The following ROR1 variants were observed in gnomAD, a reference collection of about 807,000 sequenced individuals.
The protein encoded by ROR1 is inactive tyrosine-protein kinase transmembrane receptor ROR1.
A neutral mutation model predicts 78.8 loss-of-function variants in ROR1; 19 were observed. That is an observed-to-expected ratio of 0.24 (90% confidence interval 0.17 to 0.35). The LOEUF is 0.35. ROR1 is among the 10% of genes least tolerant of loss of function. ROR1 has a pLI of 1.00. For synonymous variants in ROR1, 386 were observed against 433.6 expected, an observed-to-expected ratio of 0.89 and a Z score of 1.36; for missense variants, 917 against 1,177.8, an observed-to-expected ratio of 0.78 and a Z score of 3.24.
At chr1:64,047,622 A>G (rs1052219581) in intron 2 of ROR1, among the ~76,000 whole-genome samples, 20 of 152,212 alleles carry the variant, frequency 1.3e-4, no homozygotes, top group African/African-American at 4.3e-4. Flanking sequence ...TCTATTCTCA[A>G]TGAATGATAT....
chr1:64,023,387 C>G (rs953866886), intron 2 of ROR1, among the ~76,000 whole-genome samples: 2 of 152,140 alleles, frequency 1.3e-5, no homozygotes, highest in African/African-American at 4.8e-5. Flanking sequence ...AGCTTGGGTC[C>G]TCTTTCCCAG....
intron 1 of ROR1, chr1:63,775,323 G>C (rs141565520): frequency 2.0e-5 from 3 of 152,370 alleles, no homozygotes; most frequent in Non-Finnish European, 4.4e-5. Context: ...TTCGCTGCGG[G>C]AAGCTGGGGT....
intron 1 of ROR1, among the ~76,000 whole-genome samples, chr1:63,910,385 C>T (rs6588077): frequency 0.033 from 5,019 of 152,158 alleles, 282 homozygotes; most frequent in African/African-American, 0.11. Flanking sequence ...AGAAAGGGCT[C>T]ATTGGCTGGT....
chr1:64,107,672 A>G (rs375075515), intron 4 of ROR1, among the ~76,000 whole-genome samples: 1,584 of 9,266 alleles, frequency 0.17, 24 homozygotes, highest in Middle Eastern at 0.31. Context: ...TAAAGATTGT[A>G]TTGGTTTTTT....
At chr1:64,013,438 T>G (rs775444351) in intron 2 of ROR1, among the ~76,000 whole-genome samples, 2 of 152,182 alleles carry the variant, frequency 1.3e-5, no homozygotes, top group Non-Finnish European at 2.9e-5. Context: ...TCAATTTATT[T>G]CAATAATCTG....
intron 1 of ROR1, among the ~76,000 whole-genome samples, chr1:63,868,223 A>G (rs932101796): frequency 6.6e-6 from 1 of 152,018 alleles, no homozygotes; most frequent in Non-Finnish European, 1.5e-5. Flanking sequence ...CTGTCATTTT[A>G]TCACTCATTA....
At chr1:64,138,457 C>T (rs1233519949) in intron 5 of ROR1, among the ~76,000 whole-genome samples, 2 of 151,656 alleles carry the variant, frequency 1.3e-5, no homozygotes, top group African/African-American at 4.9e-5. Context: ...AAACATAGAA[C>T]AGCAAAAGGC....
chr1:64,134,824 C>T (rs988111835), intron 4 of ROR1, among the ~76,000 whole-genome samples: 3 of 150,322 alleles, frequency 2.0e-5, no homozygotes, highest in African/African-American at 7.4e-5. Context: ...TCTTGGCTCA[C>T]TGCAACCTCC....
intron 1 of ROR1, among the ~76,000 whole-genome samples, chr1:64,004,697 T>G (rs1398654787): frequency 1.3e-5 from 2 of 152,220 alleles, no homozygotes; most frequent in East Asian, 3.9e-4. Flanking sequence ...ACCTGCCAAC[T>G]GCTGAGATGA....
intron 4 of ROR1, among the ~76,000 whole-genome samples, chr1:64,128,291 C>CA (rs72429774): frequency 0.46 from 46,447 of 101,214 alleles, 12,380 homozygotes; most frequent in East Asian, 0.58. Flanking sequence ...CCTGTCTCTA[C>CA]AAAAAAAAAA....
At chr1:64,133,181 G>A (rs558421320) in intron 4 of ROR1, among the ~76,000 whole-genome samples, 1 of 152,160 alleles carries the variant, frequency 6.6e-6, no homozygotes, top group South Asian at 2.1e-4. Context: ...ACGAGGGGGT[G>A]GAGGGCATGC....
intron 4 of ROR1, among the ~76,000 whole-genome samples, chr1:64,064,610 C>A (rs57682914): frequency 0.1 from 15,213 of 152,230 alleles, 875 homozygotes; most frequent in African/African-American, 0.14. Flanking sequence ...AGCCTGCAGA[C>A]AGCCTTGAAG....
chr1:63,889,539 G>A (rs1188905836), intron 1 of ROR1, among the ~76,000 whole-genome samples: 1 of 152,132 alleles, frequency 6.6e-6, no homozygotes, highest in Admixed American at 6.6e-5. Context: ...CGAAGTGCAT[G>A]CAACCCTGGC....
At chr1:63,994,482 A>C (rs1386213774) in intron 1 of ROR1, among the ~76,000 whole-genome samples, 1 of 152,208 alleles carries the variant, frequency 6.6e-6, no homozygotes, top group Non-Finnish European at 1.5e-5. Flanking sequence ...AAAGGCTTAT[A>C]GATTTTTGTG....
At chr1:63,906,842 G>A (rs1216441595) in intron 1 of ROR1, among the ~76,000 whole-genome samples, 4 of 152,096 alleles carry the variant, frequency 2.6e-5, no homozygotes, top group Non-Finnish European at 5.9e-5. Flanking sequence ...TTTGTTACAC[G>A]TGAAACTTTA....
chr1:64,114,253 G>A (rs562052066), intron 4 of ROR1, among the ~76,000 whole-genome samples: 2 of 152,292 alleles, frequency 1.3e-5, no homozygotes, highest in Admixed American at 6.5e-5. Flanking sequence ...CTGACATGCA[G>A]TTAGGTCATT....
At chr1:63,782,665 A>T (rs1222929411) in intron 1 of ROR1, among the ~76,000 whole-genome samples, 1 of 151,872 alleles carries the variant, frequency 6.6e-6, no homozygotes, top group African/African-American at 2.4e-5. Context: ...TTTAGATAGA[A>T]TAAAATAGGA....
chr1:64,179,015 A>T lies in ROR1; in HGVS notation c.*160A>T. ...CTGTGTCTTACCAAGCAGGACAGAC[A>T]CTCGGCCAGAAAAAAAAAAAAAAAA... On this transcript the variant is annotated 3_prime_UTR_variant, in exon 9 of 9. Transcript: ENST00000371079. The T allele has an allele frequency of 2.8e-6, 1 of 356,756 alleles. No homozygotes were observed. Among genetic ancestry groups the T allele is most frequent in the Non-Finnish European group, 4.8e-6 (1 of 209,264 alleles). 22.1% of individuals were successfully genotyped at this position (356,756 alleles called of 1,614,324 possible).
intron 7 of ROR1, among the ~76,000 whole-genome samples, chr1:64,148,622 T>A (rs1451281503): frequency 6.6e-6 from 1 of 152,216 alleles, no homozygotes; most frequent in African/African-American, 2.4e-5. Context: ...TTTGTTGTAC[T>A]TTCTCTAATA....
Sources: allele counts gnomAD v4.1 joint callset (sites outside exome capture counted in the v4.1 genomes callset), GRCh38; gene constraint gnomAD v4.1.1; transcripts MANE v1.5; gene names NCBI Gene and HGNC (gene_info 2026-07-23, HGNC 2026-07-21).